EXOC4: variants seen among roughly 807,000 people sequenced by gnomAD.
The protein encoded by EXOC4 is exocyst complex component 4, also known as SEC8-like 1.
EXOC4 carries 71 observed loss-of-function variants against 107.2 expected under a neutral mutation model. The ratio of observed to expected loss-of-function variants is 0.66; its 90% CI spans 0.55 to 0.81. The LOEUF is 0.81. Among genes scored for constraint, EXOC4 ranks in the 30% least tolerant of loss-of-function variants. The pLI is 0.00. For missense variants in EXOC4, 1,108 were observed against 1,189.6 expected (o/e 0.93, Z 1.01); for synonymous variants, 456 against 441.2 (o/e 1.03, Z -0.42).
intron 10 of EXOC4, among the ~76,000 whole-genome samples, chr7:133,675,705 A>G (rs891937172): frequency 5.9e-5 from 9 of 152,184 alleles, no homozygotes; most frequent in African/African-American, 2.2e-4. Context: ...TTAGCCCCTC[A>G]CTACATCTCC....
intron 11 of EXOC4, among the ~76,000 whole-genome samples, chr7:133,855,092 A>ATATAAATAT (rs1563028424): frequency 4.3e-4 from 21 of 49,308 alleles, no homozygotes; most frequent in Admixed American, 9.8e-4. Flanking sequence ...AATATATATA[A>ATATAAATAT]ATATATATAT....
chr7:133,957,786 A>G (rs1266970204), intron 14 of EXOC4, among the ~76,000 whole-genome samples: 1 of 152,256 alleles, frequency 6.6e-6, no homozygotes, highest in Admixed American at 6.5e-5. Flanking sequence ...AGGAAACAAG[A>G]ATAGTGAAAA....
chr7:133,515,642 A>G (rs1053708804), intron 9 of EXOC4, among the ~76,000 whole-genome samples: 7 of 151,838 alleles, frequency 4.6e-5, no homozygotes, highest in Admixed American at 1.3e-4. Context: ...CTAATTTTCA[A>G]ATTTTTTGTA....
chr7:133,625,505 C>G, intron 9 of EXOC4, among the ~76,000 whole-genome samples: 1 of 152,214 alleles, frequency 6.6e-6, no homozygotes, highest in East Asian at 1.9e-4. Flanking sequence ...CTTTCTGAGG[C>G]TTTGGTTTCT....
At chr7:133,609,128 A>C (rs1802019679) in intron 9 of EXOC4, among the ~76,000 whole-genome samples, 1 of 152,168 alleles carries the variant, frequency 6.6e-6, no homozygotes, top group South Asian at 2.1e-4. Flanking sequence ...GATAGCCACA[A>C]ATCCATCAAT....
intron 14 of EXOC4, among the ~76,000 whole-genome samples, chr7:133,979,955 A>G (rs1158691121): frequency 6.6e-6 from 1 of 152,066 alleles, no homozygotes; most frequent in Non-Finnish European, 1.5e-5. Flanking sequence ...TTTCCTACCA[A>G]TCTACCACCT....
intron 13 of EXOC4, 128 bp downstream of exon 13, chr7:133,917,866 T>C: frequency 1.1e-6 from 1 of 872,642 alleles, no homozygotes; most frequent in East Asian, 2.7e-5. Context: ...CTTAGTAAAA[T>C]ATGTTTTCCT....
chr7:133,715,770 G>A (rs1340375781), intron 10 of EXOC4, among the ~76,000 whole-genome samples: 1 of 152,116 alleles, frequency 6.6e-6, no homozygotes, highest in African/African-American at 2.4e-5. Flanking sequence ...AGAGAGAAAG[G>A]AAGGGAAGAG....
intron 9 of EXOC4, among the ~76,000 whole-genome samples, chr7:133,583,290 C>G (rs796364486): frequency 3.3e-5 from 5 of 152,260 alleles, no homozygotes; most frequent in African/African-American, 1.2e-4. Flanking sequence ...CTTAATATTA[C>G]TCCGATAATC....
rs1799732689 is a variant in EXOC4 at position 133,913,093 on chromosome 7, C to T, written c.1872-4490C>T. Among the ~76,000 whole-genome samples the T allele has an allele frequency of 2.0e-5, 3 of 152,060 alleles. No individual in the cohort carries two copies. In the South Asian group the frequency reaches 6.2e-4, roughly 32 times the overall value. The stretch of plus-strand genomic sequence containing the variant: ...GAGGATGAGAAAAAGGCTTTCTAGG[C>T]TGAGATGACACACAGAAACAGGAAA... On this transcript the variant is annotated intron_variant, in intron 12 of 17. Coordinates refer to ENST00000253861, the MANE Select transcript of EXOC4 (RefSeq NM_021807.4).
At chr7:133,257,428 G>T (rs1795045408) in intron 1 of EXOC4, among the ~76,000 whole-genome samples, 1 of 152,014 alleles carries the variant, frequency 6.6e-6, no homozygotes, top group African/African-American at 2.4e-5. Flanking sequence ...GATTTCCTTT[G>T]CCAACCTTTT....
chr7:133,611,891 T>C (rs1802083195), intron 9 of EXOC4, among the ~76,000 whole-genome samples: 1 of 152,210 alleles, frequency 6.6e-6, no homozygotes, highest in South Asian at 2.1e-4. Flanking sequence ...TAATTACATA[T>C]TTATTTGCAC....
intron 11 of EXOC4, among the ~76,000 whole-genome samples, chr7:133,867,175 C>T (rs1798658793): frequency 6.6e-6 from 1 of 152,184 alleles, no homozygotes; most frequent in Non-Finnish European, 1.5e-5. Flanking sequence ...AAGCCCTGGC[C>T]CTCCCATTCA....
Position 133,253,118 on chromosome 7 carries a change from C to G in EXOC4, c.17C>G (p.Ala6Gly). 1 of 1,614,168 alleles carries G rather than the reference C, an allele frequency of 6.2e-7. No homozygotes were observed. The highest frequency in any genetic ancestry group is 1.3e-5 in the African/African-American group (1 of 75,064). Residue 6 changes from alanine (A) to glycine (G), a missense_variant, in exon 1 of 18, where the codon GCT (alanine) becomes GGT (glycine). Ala to Gly is a moderately conservative substitution (Grantham distance 60, BLOSUM62 0). Transcript: ENST00000253861. Reference sequence around the variant, plus strand: ...GCGTCCAAGATGGCGGCAGAAGCAGCTGGTGGGAAATACAGAAGCACAGTC... The same window carrying G: ...GCGTCCAAGATGGCGGCAGAAGCAGGTGGTGGGAAATACAGAAGCACAGTC... MAAEAAGGKYRSTVSK... is the reference protein window; with the variant it reads MAAEAGGGKYRSTVSK...
intron 9 of EXOC4, among the ~76,000 whole-genome samples, chr7:133,574,964 AT>A (rs1801097401): frequency 6.6e-6 from 1 of 152,176 alleles, no homozygotes; most frequent in Non-Finnish European, 1.5e-5. Flanking sequence ...AGATGACCTG[AT>A]TGTTTCATAT....
intron 10 of EXOC4, among the ~76,000 whole-genome samples, chr7:133,744,873 G>A (rs894458372): frequency 5.9e-5 from 9 of 152,166 alleles, no homozygotes; most frequent in East Asian, 1.9e-4. Context: ...AAAGCTGATC[G>A]CTACATTTTT....
intron 7 of EXOC4, among the ~76,000 whole-genome samples, chr7:133,381,574 A>G (rs191393805): frequency 6.6e-6 from 1 of 152,326 alleles, no homozygotes; most frequent in Admixed American, 6.5e-5. Flanking sequence ...AGAGTTTAGC[A>G]TAAATGAAGG....
chr7:133,312,154 A>C (rs1473522869), intron 4 of EXOC4, among the ~76,000 whole-genome samples: 1 of 152,174 alleles, frequency 6.6e-6, no homozygotes, highest in Non-Finnish European at 1.5e-5. Context: ...ATTCAGCTTA[A>C]ATGTTCATCA....
intron 2 of EXOC4, among the ~76,000 whole-genome samples, chr7:133,286,029 G>A (rs1002997345): frequency 3.3e-5 from 5 of 151,972 alleles, no homozygotes; most frequent in African/African-American, 7.3e-5. Context: ...AAAGTACTAG[G>A]ATTATAGTAA....
Sources: allele counts gnomAD v4.1 joint callset (sites outside exome capture counted in the v4.1 genomes callset), GRCh38; gene constraint gnomAD v4.1.1; transcripts MANE v1.5; gene names NCBI Gene and HGNC (gene_info 2026-07-23, HGNC 2026-07-21).